Variants in EPN1 observed in about 807,000 individuals in gnomAD.
EPN1 encodes epsin-1.
In EPN1, 25 loss-of-function variants were observed where a neutral mutation model predicts 56.9. The ratio of observed to expected loss-of-function variants is 0.44; its 90% confidence interval spans 0.32 to 0.61. The LOEUF is 0.61. EPN1 is among the 20% of genes least tolerant of loss of function. The probability of loss-of-function intolerance (pLI) is 0.05; values close to 1 mark genes in which losing one functional copy is unlikely to be tolerated. For synonymous variants in EPN1, 411 were observed against 361.8 expected, an observed-to-expected ratio of 1.14 and a Z score of -1.54; for missense variants, 785 against 823.7, an observed-to-expected ratio of 0.95 and a Z score of 0.58.
At chr19:55,692,282 G>C (rs2122212698) in intron 7 of EPN1, among the ~76,000 whole-genome samples, 1 of 152,104 alleles carries the variant, frequency 6.6e-6, no homozygotes, top group Admixed American at 6.5e-5. Context: ...GGAGGGGATG[G>C]CAGCTCAGCC....
At chr19:55,690,927 G>T (rs967165670) in intron 6 of EPN1, among the ~76,000 whole-genome samples, 2 of 152,186 alleles carry the variant, frequency 1.3e-5, no homozygotes, top group East Asian at 1.9e-4. Context: ...CTGCCCTGCT[G>T]GGGGAGCACC....
rs1209560383 is a variant in EPN1 at position 55,706,854 on chromosome 19, CAT to C, written c.*11500_*11501del. On this transcript the variant is annotated 3_prime_UTR_variant, in exon 11 of 11. Transcript: ENST00000270460. ...AGGAGTACCAGACCAGCCTGGGAAA[CAT>C]AGTGAGACCCCGTCTATACTAAAAA... The C allele has an allele frequency of 6.6e-6, 1 of 151,832 alleles. No homozygotes were observed. The highest frequency in any genetic ancestry group is 1.5e-5 in the Non-Finnish European group (1 of 67,984). 9.4% of individuals were successfully genotyped at this position (151,832 alleles called of 1,614,324 possible). A position where few individuals can be genotyped will look rare whatever the true frequency, so the allele number is the denominator to read the frequency against.
At chr19:55,677,127 C>G in intron 1 of EPN1, 1 of 1,550,914 alleles carries the variant, frequency 6.4e-7, no homozygotes, top group Non-Finnish European at 8.7e-7. Flanking sequence ...TACATCATGG[C>G]GGGGCTTTGA....
At chr19:55,680,392 T>G (rs977267592) in intron 2 of EPN1, among the ~76,000 whole-genome samples, 4 of 152,122 alleles carry the variant, frequency 2.6e-5, no homozygotes, top group African/African-American at 7.2e-5. Context: ...CATCTCTTGA[T>G]TCTTGGGACT....
intron 2 of EPN1, among the ~76,000 whole-genome samples, chr19:55,682,976 C>T (rs1020857211): frequency 4.6e-5 from 7 of 151,964 alleles, no homozygotes; most frequent in African/African-American, 7.2e-5. Flanking sequence ...AGGCTGGTCT[C>T]GAACTTCTGA....
In EPN1 at chr19:55,691,679, A is replaced by G; in HGVS notation, c.763-75A>G. On this transcript the variant is annotated intron_variant, in intron 6 of 10. Transcript: ENST00000270460. The surrounding 1 kb of genome is among the most constrained non-coding windows in gnomAD (Gnocchi z 5.6). ...CCAGGGCCTGGCCGCCTCCCCCGCCACGGGCCCCAGCTTGGTCCCTGTCCC... is the reference window on the plus strand; with the variant it reads ...CCAGGGCCTGGCCGCCTCCCCCGCCGCGGGCCCCAGCTTGGTCCCTGTCCC... 1.4e-6 allele frequency: 2 copies of G among 1,419,974 alleles called. No homozygotes were observed. Among genetic ancestry groups the G allele is most frequent in the Non-Finnish European group, 1.9e-6 (2 of 1,026,658 alleles). The allele number at this position is 1,419,974 out of a possible 1,614,324, so 88.0% of individuals were successfully genotyped here.
chr19:55,702,814 A>G lies in EPN1; in HGVS notation c.*7458A>G, dbSNP rs941540358. 1 of 149,678 alleles carries G rather than the reference A, an allele frequency of 6.7e-6. No individual in the cohort carries two copies. Among genetic ancestry groups the G allele is most frequent in the African/African-American group, 2.5e-5 (1 of 40,488 alleles). The allele number at this position is 149,678 out of a possible 1,614,324, so 9.3% of individuals were successfully genotyped here. A position where few individuals can be genotyped will look rare whatever the true frequency, so the allele number is the denominator to read the frequency against. ...TTCTTTCACTGTTGTTTTTTTTTTGAGACGGAGTCTTGCACTGTCACCCAG... is the reference window on the plus strand; with the variant it reads ...TTCTTTCACTGTTGTTTTTTTTTTGGGACGGAGTCTTGCACTGTCACCCAG... On this transcript the variant is annotated 3_prime_UTR_variant, in exon 11 of 11. Coordinates refer to ENST00000270460, the MANE Select transcript of EPN1 (RefSeq NM_001130072.2).
rs1313359502 is a variant in EPN1, at chr19:55,689,685, CCT to C, written c.679-181_679-180del. On this transcript the variant is annotated intron_variant, in intron 5 of 10. Transcript: ENST00000270460. This position sits in a 1 kb window ranked among gnomAD's most constrained non-coding sequence, Gnocchi z 5.7. ...GCACAGCACCCCACTCCCCTTATCC[CCT>C]GTCCCGCCTGACCTTTGACCCAGGT... is the stretch of plus-strand genomic sequence containing the variant. Among the ~76,000 whole-genome samples the C allele has an allele frequency of 2.0e-5, 3 of 152,234 alleles. No homozygotes were observed. The highest frequency in any genetic ancestry group is 1.3e-4 in the Admixed American group (2 of 15,288).
rs1406801010 is a variant in EPN1 at position 55,675,350 on chromosome 19, C to G, written c.-187C>G. 1 of 151,798 alleles carries G rather than the reference C, an allele frequency of 6.6e-6. No homozygotes were observed. Among genetic ancestry groups the G allele is most frequent in the Admixed American group, 6.6e-5 (1 of 15,250 alleles). 9.4% of individuals were successfully genotyped at this position (151,798 alleles called of 1,614,324 possible). A position where few individuals can be genotyped will look rare whatever the true frequency, so the allele number is the denominator to read the frequency against. On this transcript the variant is annotated 5_prime_UTR_variant, in exon 1 of 11. Transcript: ENST00000270460. ...TTGCGTTCGTGCGTGCGCCCGTGGC[C>G]CGGCGCACGTCCCGCGACACCGAGG...
intron 2 of EPN1, among the ~76,000 whole-genome samples, chr19:55,684,974 G>T (rs908417385): frequency 2.0e-5 from 3 of 152,160 alleles, no homozygotes; most frequent in Non-Finnish European, 4.4e-5. Flanking sequence ...AGTGCTGGGC[G>T]ACCACCTCTG....
In EPN1 at chr19:55,695,409, G is replaced by A. The variant is rs1986862731; in HGVS notation, c.*53G>A. 1 of 1,006,316 alleles carries A rather than the reference G, an allele frequency of 9.9e-7. No individual in the cohort carries two copies. Among genetic ancestry groups the A allele is most frequent in the African/African-American group, 1.6e-5 (1 of 62,538 alleles). The allele number at this position is 1,006,316 out of a possible 1,614,324, so 62.3% of individuals were successfully genotyped here. ...TCCGGCTGCCCCATTCCGGCTCCCT[G>A]GGAGATCAGTGTTGTGAGTGCATGT... On this transcript the variant is annotated 3_prime_UTR_variant, in exon 11 of 11. Transcript: ENST00000270460. This position sits in a 1 kb window ranked among gnomAD's most constrained non-coding sequence, Gnocchi z 4.4.
At position 55,705,680 on chromosome 19, in the gene EPN1, A is replaced by C. The variant is rs1329727335; in HGVS notation, c.*10324A>C. ...AAGAAAAGTATCCCCGAACATTATCAGAGTCAAGTTAATAAAGGCCAAAGG... is the reference window on the plus strand; with the variant it reads ...AAGAAAAGTATCCCCGAACATTATCCGAGTCAAGTTAATAAAGGCCAAAGG... On this transcript the variant is annotated 3_prime_UTR_variant, in exon 11 of 11. Coordinates refer to ENST00000270460, the MANE Select transcript of EPN1 (RefSeq NM_001130072.2). 6.6e-6 allele frequency: 1 copy of C among 152,078 alleles called. No individual in the cohort carries two copies. The highest frequency in any genetic ancestry group is 1.5e-5 in the Non-Finnish European group (1 of 68,022). The allele number at this position is 152,078 out of a possible 1,614,324, so 9.4% of individuals were successfully genotyped here. A position where few individuals can be genotyped will look rare whatever the true frequency, so the allele number is the denominator to read the frequency against.
chr19:55,677,516 G>A, intron 1 of EPN1: 2 of 1,274,730 alleles, frequency 1.6e-6, no homozygotes, highest in Non-Finnish European at 1.1e-6. Context: ...GCCATTCCTG[G>A]TGTGTGACCT....
At chr19:55,692,086 C>T (rs1435317811) in intron 7 of EPN1, 29 bp downstream of exon 7, 39 of 1,408,118 alleles carry the variant, frequency 2.8e-5, no homozygotes, top group Non-Finnish European at 3.1e-5. Context: ...TGCATGCAGC[C>T]CCTACGCCTG....
intron 1 of EPN1, chr19:55,677,016 T>C (rs1241572216): frequency 8.2e-7 from 1 of 1,215,758 alleles, no homozygotes; most frequent in Admixed American, 2.7e-5. Context: ...TCCAGAGAGT[T>C]ACTTTTTAAC....
chr19:55,694,565 C>T lies in EPN1; in HGVS notation c.1265-161C>T, dbSNP rs1315100570. On this transcript the variant is annotated intron_variant, in intron 9 of 10. Transcript: ENST00000270460. This position sits in a 1 kb window ranked among gnomAD's most constrained non-coding sequence, Gnocchi z 4.2. Reference sequence around the variant, plus strand: ...AATCTGGGCTGACGTGAGGTTTTGGCCTGGGCAAGCGATGCTTCCGCTCTG... The same window carrying T: ...AATCTGGGCTGACGTGAGGTTTTGGTCTGGGCAAGCGATGCTTCCGCTCTG... The T allele has an allele frequency of 1.3e-5, 11 of 852,172 alleles. No homozygotes were observed. The highest frequency in any genetic ancestry group is 1.8e-5 in the Non-Finnish European group (11 of 597,330). 52.8% of individuals were successfully genotyped at this position (852,172 alleles called of 1,614,324 possible).
rs1987004233 is a variant in EPN1 at position 55,698,667 on chromosome 19, A to C, written c.*3311A>C. 1 of 152,206 alleles carries C rather than the reference A, an allele frequency of 6.6e-6. No individual in the cohort carries two copies. Among genetic ancestry groups the C allele is most frequent in the African/African-American group, 2.4e-5 (1 of 41,418 alleles). The allele number at this position is 152,206 out of a possible 1,614,324, so 9.4% of individuals were successfully genotyped here. A position where few individuals can be genotyped will look rare whatever the true frequency, so the allele number is the denominator to read the frequency against. ...TTGATCTTTTTTTATACTGAAACTC[A>C]ATTTTACACACACAAACCCACTCCC... On this transcript the variant is annotated 3_prime_UTR_variant, in exon 11 of 11. Coordinates refer to ENST00000270460, the MANE Select transcript of EPN1 (RefSeq NM_001130072.2).
At chr19:55,677,547 C>T (rs1985519356) in intron 1 of EPN1, 1 of 1,493,828 alleles carries the variant, frequency 6.7e-7, no homozygotes, top group African/African-American at 1.4e-5. Context: ...ATTTAACTTC[C>T]AGGAGCCCAG....
chr19:55,689,761 C>A lies in EPN1; in HGVS notation c.679-106C>A. 2 of 1,027,210 alleles carry A rather than the reference C, an allele frequency of 1.9e-6. No individual in the cohort carries two copies. The highest frequency in any genetic ancestry group is 3.0e-6 in the Non-Finnish European group (2 of 676,548). The allele number at this position is 1,027,210 out of a possible 1,614,324, so 63.6% of individuals were successfully genotyped here. A position where few individuals can be genotyped will look rare whatever the true frequency, so the allele number is the denominator to read the frequency against. ...GTCCGCATCCCATCGAATCCTTCAG[C>A]CGCTTTCGTTGGGGTGGGAGGGGTT... is the stretch of plus-strand genomic sequence containing the variant. On this transcript the variant is annotated intron_variant, in intron 5 of 10. Coordinates refer to ENST00000270460, the MANE Select transcript of EPN1 (RefSeq NM_001130072.2). This position sits in a 1 kb window ranked among gnomAD's most constrained non-coding sequence, Gnocchi z 5.7.
Sources: gnomAD v4.1 joint callset for allele counts (sites outside exome capture counted in the v4.1 genomes callset) on GRCh38, gnomAD v4.1.1 for gene constraint, Gnocchi (gnomAD v3.1) non-coding constraint, MANE v1.5 for transcripts, NCBI Gene and HGNC (gene_info 2026-07-23, HGNC 2026-07-21) for gene names.